ACTN1: variants seen among roughly 807,000 people sequenced by gnomAD.
ACTN1 encodes the protein actinin alpha 1, also known as alpha-actinin-1.
Under a neutral mutation model 119.6 loss-of-function variants are expected in ACTN1, and 30 were observed. The ratio of observed to expected loss-of-function variants is 0.25; its 90% CI spans 0.19 to 0.34. ACTN1 has a LOEUF of 0.34. ACTN1 is among the 10% of genes least tolerant of loss of function. ACTN1 has a pLI of 1.00. For synonymous variants in ACTN1, 429 were observed against 472.6 expected, an observed-to-expected ratio of 0.91 and a Z score of 1.20; for missense variants, 764 against 1,223.4, an observed-to-expected ratio of 0.62 and a Z score of 5.60.
chr14:68,929,210 A>G (rs1478914309), intron 1 of ACTN1, among the ~76,000 whole-genome samples: 2 of 152,058 alleles, frequency 1.3e-5, no homozygotes, highest in Non-Finnish European at 2.9e-5. Context: ...CCATACAACT[A>G]TATCCTCCCC....
intron 3 of ACTN1, among the ~76,000 whole-genome samples, chr14:68,912,617 T>G (rs976562063): frequency 6.6e-6 from 1 of 152,050 alleles, no homozygotes; most frequent in South Asian, 2.1e-4. Context: ...GTTCAAACGA[T>G]CCTCCCACCT....
Position 68,925,667 on chromosome 14 carries a change from G to A in ACTN1, c.111C>T (p.Phe37=), listed in dbSNP as rs774105008. Residue 37 remains phenylalanine (F), a synonymous_variant, in exon 2 of 22, where the codon TTC becomes TTT. Transcript: ENST00000394419. The surrounding 1 kb of genome is among the most constrained non-coding windows in gnomAD (Gnocchi z 4.3). ...PAWEKQQRKT[F]TAWCNSHLRK... ...GGAGGTGGGAGTTACACCATGCCGT[G>A]AATGTCTGGGCAGAGACAAGAAGGG... The A allele has an allele frequency of 6.2e-7, 1 of 1,610,764 alleles. No individual in the cohort carries two copies. The highest frequency in any genetic ancestry group is 1.7e-5 in the Admixed American group (1 of 59,636).
Position 68,884,275 on chromosome 14 carries a change from G to A in ACTN1, c.1528C>T (p.Leu510=). The A allele has an allele frequency of 6.2e-7, 1 of 1,614,166 alleles. No homozygotes were observed. The highest frequency in any genetic ancestry group is 2.2e-5 in the East Asian group (1 of 44,882). Residue 510 remains leucine (L), a synonymous_variant, in exon 14 of 22, where the codon CTG becomes TTG. Transcript: ENST00000394419. ...TEKLLETIDQ[L]YLEYAKRAAP... is the part of the protein sequence containing the mutation. ...GCCCGCTTGGCATACTCCAAGTACA[G>A]CTGGTCAATGGTCTCCAGCAGTTTC...
intron 2 of ACTN1, among the ~76,000 whole-genome samples, chr14:68,923,526 G>A (rs926066859): frequency 1.3e-5 from 2 of 152,122 alleles, no homozygotes; most frequent in East Asian, 3.9e-4. Flanking sequence ...AAGGCAGTTA[G>A]AGGCAAGGCA....
At chr14:68,962,234 G>C (rs946126605) in intron 1 of ACTN1, among the ~76,000 whole-genome samples, 7 of 152,184 alleles carry the variant, frequency 4.6e-5, no homozygotes, top group African/African-American at 1.7e-4. Context: ...GTCTGAGGAG[G>C]GGGTAGAGGC....
At chr14:68,892,961 G>A (rs533096269) in intron 9 of ACTN1, among the ~76,000 whole-genome samples, 44 of 152,284 alleles carry the variant, frequency 2.9e-4, no homozygotes, top group African/African-American at 9.9e-4. Flanking sequence ...TCACCTGCAT[G>A]TTACAGAGGA....
In ACTN1 at chr14:68,893,793, A is replaced by C. The variant is rs374445536; in HGVS notation, c.763-46T>G. On this transcript the variant is annotated intron_variant, in intron 8 of 21. Coordinates refer to ENST00000394419, the MANE Select transcript of ACTN1 (RefSeq NM_001130004.2). ...GTCACGACCAGCCAGCCCCAGCAGC[A>C]GGGGCACCTGGTACACACCTGTGCT... 4.4e-5 allele frequency: 70 copies of C among 1,588,328 alleles called. No homozygotes were observed. The African/African-American group carries it at 8.8e-4, about 20-fold the overall frequency.
intron 8 of ACTN1, among the ~76,000 whole-genome samples, chr14:68,898,891 TCCCACACACTCCACACAC>T (rs923585710): frequency 7.3e-5 from 11 of 150,634 alleles, no homozygotes; most frequent in African/African-American, 2.4e-4. Context: ...GCCATCCACA[TCCCACACACTCCACACAC>T]CCCACACACC....
intron 1 of ACTN1, among the ~76,000 whole-genome samples, chr14:68,970,136 C>T (rs1416901358): frequency 6.6e-6 from 1 of 152,120 alleles, no homozygotes; most frequent in African/African-American, 2.4e-5. Flanking sequence ...AACAGCCCCA[C>T]GATCACCCAC....
chr14:68,898,798 G>T (rs2140207199), intron 8 of ACTN1, among the ~76,000 whole-genome samples: 1 of 152,076 alleles, frequency 6.6e-6, no homozygotes, highest in African/African-American at 2.4e-5. Context: ...GCGTGAAATG[G>T]TTGCAACAGG....
chr14:68,898,490 G>A (rs933186174), intron 8 of ACTN1, among the ~76,000 whole-genome samples: 3 of 152,200 alleles, frequency 2.0e-5, no homozygotes, highest in Non-Finnish European at 4.4e-5. Context: ...TTGGGCGACA[G>A]AAAGACAGTG....
intron 1 of ACTN1, among the ~76,000 whole-genome samples, chr14:68,950,975 A>C (rs1473249184): frequency 6.6e-6 from 1 of 152,202 alleles, no homozygotes; most frequent in Non-Finnish European, 1.5e-5. Context: ...AGAGGGGGGC[A>C]ATGTTATCAC....
intron 1 of ACTN1, chr14:68,978,708 C>T (rs2037156910): frequency 2.9e-6 from 1 of 343,256 alleles, no homozygotes; most frequent in South Asian, 7.1e-5. Context: ...GAGACCTGCC[C>T]GCCAGCGGCG....
At position 68,950,294 on chromosome 14, in the gene ACTN1, CAAAAA is replaced by C. The variant is rs60899029; in HGVS notation, c.106-24627_106-24623del. 1.4e-3 allele frequency among the ~76,000 whole-genome samples: 174 copies of C among 121,520 alleles called. 3 individuals carry two copies. Among genetic ancestry groups the C allele is most frequent in the African/African-American group, 5.4e-3 (168 of 31,048 alleles). 79.7% of individuals were successfully genotyped at this position (121,520 alleles called of 152,430 possible). On this transcript the variant is annotated intron_variant, in intron 1 of 21. Coordinates refer to ENST00000394419, the MANE Select transcript of ACTN1 (RefSeq NM_001130004.2). Reference sequence around the variant, plus strand: ...TGGGTGACAGAGTGAGTTGTTGTCTCAAAAAAAAAAAAAAAAAAAAAAAAAAGAGT... The same window carrying C: ...TGGGTGACAGAGTGAGTTGTTGTCTCAAAAAAAAAAAAAAAAAAAAAGAGT...
At chr14:68,881,936 C>CTTTTTTTTTTTTTTTTTTTTTTTTTTTTT (rs781067137) in intron 16 of ACTN1, among the ~76,000 whole-genome samples, 5 of 58,396 alleles carry the variant, frequency 8.6e-5, no homozygotes, top group East Asian at 7.2e-4. Context: ...TAGGCAGCTT[C>CTTTTTTTTTTTTTTTTTTTTTTTTTTTTT]TTTTTTTTTT....
chr14:68,914,749 C>T (rs552909381), intron 3 of ACTN1, among the ~76,000 whole-genome samples: 4 of 152,026 alleles, frequency 2.6e-5, no homozygotes, highest in Non-Finnish European at 4.4e-5. Context: ...CCAACCTAAG[C>T]GACAAGTTGA....
intron 1 of ACTN1, among the ~76,000 whole-genome samples, chr14:68,957,643 G>T (rs915032124): frequency 6.6e-6 from 1 of 152,194 alleles, no homozygotes; most frequent in Non-Finnish European, 1.5e-5. Context: ...TAACTGCTTA[G>T]GTGATGGTGG....
intron 1 of ACTN1, among the ~76,000 whole-genome samples, chr14:68,944,440 C>T (rs1324319766): frequency 2.6e-5 from 4 of 152,186 alleles, no homozygotes; most frequent in African/African-American, 9.7e-5. Flanking sequence ...TCCTTCCTTC[C>T]ATAAATTCTT....
intron 2 of ACTN1, 124 bp from the exon 3 acceptor site, chr14:68,921,249 G>A (rs1043917465): frequency 2.1e-5 from 25 of 1,216,478 alleles, no homozygotes; most frequent in East Asian, 1.3e-4. Context: ...ATGTGTGCAC[G>A]TGTGTGTGTG....
Sources: gnomAD v4.1 joint callset for allele counts (sites outside exome capture counted in the v4.1 genomes callset) on GRCh38, gnomAD v4.1.1 for gene constraint, Gnocchi (gnomAD v3.1) non-coding constraint, MANE v1.5 for transcripts, NCBI Gene and HGNC (gene_info 2026-07-23, HGNC 2026-07-21) for gene names.